The following VGLL1 variants were observed in gnomAD, a reference collection of about 807,000 sequenced individuals.
VGLL1 encodes the protein transcription cofactor vestigial-like protein 1.
VGLL1 carries 4 observed loss-of-function variants against 12.0 expected under a neutral mutation model. That is an observed-to-expected ratio of 0.33 (90% CI 0.16 to 0.76). The LOEUF is 0.76. VGLL1 is among the 30% of genes least tolerant of loss of function. The probability of loss-of-function intolerance (pLI) is 0.60; values close to 1 mark genes in which losing one functional copy is unlikely to be tolerated. For synonymous variants in VGLL1, 87 were observed against 81.2 expected (o/e 1.07, Z -0.39); for missense variants, 204 against 208.7 (o/e 0.98, Z 0.14).
At chrX:136,534,603 G>T (rs1200679958) in intron 1 of VGLL1, among the ~76,000 whole-genome samples, 1 of 112,570 alleles carries the variant, frequency 8.9e-6, no homozygotes, top group East Asian at 2.8e-4. Context: ...GAAGAAAGCT[G>T]CTGTGAACAT....
At chrX:136,535,235 T>G (rs2075836405) in intron 1 of VGLL1, among the ~76,000 whole-genome samples, 2 of 112,190 alleles carry the variant, frequency 1.8e-5, no homozygotes, top group African/African-American at 6.5e-5. Context: ...GCATCTACTC[T>G]ATTCCAGGCA....
intron 2 of VGLL1, among the ~76,000 whole-genome samples, chrX:136,542,604 GT>G (rs1273129667): frequency 8.9e-6 from 1 of 112,347 alleles, no homozygotes; most frequent in Non-Finnish European, 1.9e-5. Context: ...CCATTTGTGC[GT>G]TTTTCTGCAT....
At chrX:136,548,513 A>T in intron 2 of VGLL1, 76 bp from the exon 3 acceptor site, 1 of 1,001,510 alleles carries the variant, frequency 1.0e-6, no homozygotes, top group Non-Finnish European at 1.4e-6. Context: ...AAAATAGAGT[A>T]TGTATTAAAA....
chrX:136,555,880 G>A (rs1416662191), intron 4 of VGLL1, among the ~76,000 whole-genome samples: 1 of 111,209 alleles, frequency 9.0e-6, no homozygotes, highest in Admixed American at 9.6e-5. Context: ...TTTCAAGTGC[G>A]AACTCTCAGT....
At position 136,532,234 on chromosome X, in the gene VGLL1, A is replaced by C. The variant is rs923771171; in HGVS notation, c.-88A>C. On this transcript the variant is annotated 5_prime_UTR_variant, in exon 1 of 5. Coordinates refer to ENST00000370634, the MANE Select transcript of VGLL1 (RefSeq NM_016267.4). ...GCAAGCACTAACCTGCTCTGAAGTG[A>C]GCCAGGCAGCTCTGGCCATCTTTTC... The C allele has an allele frequency of 3.6e-5, 4 of 111,813 alleles. No individual in the cohort carries two copies. Among genetic ancestry groups the C allele is most frequent in the Non-Finnish European group, 1.9e-5 (1 of 53,167 alleles). 9.2% of individuals were successfully genotyped at this position (111,813 alleles called of 1,213,427 possible). A position where few individuals can be genotyped will look rare whatever the true frequency, so the allele number is the denominator to read the frequency against.
intron 2 of VGLL1, among the ~76,000 whole-genome samples, chrX:136,538,314 A>G (rs1332981849): frequency 8.9e-6 from 1 of 112,467 alleles, no homozygotes; most frequent in Non-Finnish European, 1.9e-5. Context: ...AAAGATGAAT[A>G]TAATCCAAGC....
At chrX:136,538,630 G>A (rs937085077) in intron 2 of VGLL1, among the ~76,000 whole-genome samples, 1 of 112,771 alleles carries the variant, frequency 8.9e-6, no homozygotes, top group African/African-American at 3.2e-5. Context: ...AGGGGCTTTT[G>A]TGTAAAGTGG....
intron 4 of VGLL1, among the ~76,000 whole-genome samples, chrX:136,551,983 T>C (rs1345286606): frequency 9.0e-6 from 1 of 111,259 alleles, no homozygotes; most frequent in Non-Finnish European, 1.9e-5. Context: ...CTCAGGCATT[T>C]GACAGTCTGG....
At chrX:136,535,593 A>G (rs1355225183) in intron 1 of VGLL1, among the ~76,000 whole-genome samples, 1 of 111,324 alleles carries the variant, frequency 9.0e-6, no homozygotes, top group East Asian at 2.8e-4. Context: ...CAAGCTCTCC[A>G]TGGGAGCCCA....
intron 2 of VGLL1, among the ~76,000 whole-genome samples, chrX:136,547,351 C>T (rs780678894): frequency 5.4e-5 from 6 of 112,149 alleles, no homozygotes; most frequent in African/African-American, 1.9e-4. Context: ...TCAGATTCAG[C>T]GGCTATCATA....
chrX:136,556,197 A>G (rs73558574), intron 4 of VGLL1, among the ~76,000 whole-genome samples: 2,118 of 112,132 alleles, frequency 0.019, 46 homozygotes, highest in African/African-American at 0.063. Context: ...GAGAAATCTG[A>G]TAACTTACTC....
At chrX:136,534,183 A>G (rs761431930) in intron 1 of VGLL1, among the ~76,000 whole-genome samples, 33 of 112,694 alleles carry the variant, frequency 2.9e-4, no homozygotes, top group Non-Finnish European at 6.0e-4. Context: ...AGTGAAATGC[A>G]TAGGTCTTAC....
intron 2 of VGLL1, among the ~76,000 whole-genome samples, chrX:136,540,728 G>T (rs753672655): frequency 1.8e-5 from 2 of 111,587 alleles, no homozygotes; most frequent in Non-Finnish European, 3.8e-5. Flanking sequence ...ACACATGGAG[G>T]CACTCAATAC....
intron 4 of VGLL1, among the ~76,000 whole-genome samples, chrX:136,555,054 T>C (rs185228896): frequency 8.1e-5 from 9 of 111,728 alleles, no homozygotes; most frequent in Non-Finnish European, 1.5e-4. Context: ...ATTTAGAGAC[T>C]GGGGACATGA....
chrX:136,546,827 C>T (rs2075870876), intron 2 of VGLL1, among the ~76,000 whole-genome samples: 1 of 112,744 alleles, frequency 8.9e-6, no homozygotes, highest in African/African-American at 3.2e-5. Flanking sequence ...TGAATTGCTT[C>T]TGGCCTGGAG....
chrX:136,532,589 CTTTCTTTCT>C (rs1243827919), intron 1 of VGLL1, among the ~76,000 whole-genome samples: 2 of 39,444 alleles, frequency 5.1e-5, no homozygotes, highest in African/African-American at 1.9e-4. Context: ...TTCTTTCTTT[CTTTCTTTCT>C]TTCTTTCTTT....
Position 136,536,082 on chromosome X carries a change from C to T in VGLL1, c.62C>T (p.Thr21Met), listed in dbSNP as rs778398693. Residue 21 changes from threonine to methionine, a missense_variant, in exon 2 of 5, where the codon ACG (threonine) becomes ATG (methionine). Thr to Met is a moderately conservative substitution (Grantham distance 81, BLOSUM62 -1). Transcript: ENST00000370634. Reference sequence around the variant, plus strand: ...AAAGGCAAACAGAAGCCTATAAAGACGGAATGGAATTCCCGGTGTGTCCTT... The same window carrying T: ...AAAGGCAAACAGAAGCCTATAAAGATGGAATGGAATTCCCGGTGTGTCCTT... ...LPKGKQKPIKTEWNSRCVLFT... is the reference protein window; with the variant it reads ...LPKGKQKPIKMEWNSRCVLFT... 2.0e-5 allele frequency: 24 copies of T among 1,211,650 alleles called. No individual in the cohort carries two copies. The highest frequency in any genetic ancestry group is 7.0e-5 in the South Asian group (4 of 56,965).
Position 136,548,959 on chromosome X carries a change from A to G in VGLL1, c.585A>G (p.Ile195Met). 1 of 1,212,057 alleles carries G rather than the reference A, an allele frequency of 8.3e-7. No individual in the cohort carries two copies. The highest frequency in any genetic ancestry group is 1.8e-5 in the South Asian group (1 of 57,005). Residue 195 changes from isoleucine to methionine, a missense_variant, in exon 3 of 5, where the codon ATA (isoleucine) becomes ATG (methionine). Coordinates refer to ENST00000370634, the MANE Select transcript of VGLL1 (RefSeq NM_016267.4). ...AARENGNPGQ[I>M]AGSTGLLFNL... ...GGGAGAATGGCAACCCTGGCCAGAT[A>G]GCTGGAAGCACAGGGTTGCTCTTCA...
At chrX:136,554,200 A>G (rs763516763) in intron 4 of VGLL1, among the ~76,000 whole-genome samples, 47 of 111,469 alleles carry the variant, frequency 4.2e-4, no homozygotes, top group African/African-American at 1.5e-3. Flanking sequence ...GTGTTGAAAT[A>G]GGGAAAAATG....
Sources: allele counts gnomAD v4.1 joint callset (sites outside exome capture counted in the v4.1 genomes callset), GRCh38; gene constraint gnomAD v4.1.1; transcripts MANE v1.5; gene names NCBI Gene and HGNC (gene_info 2026-07-23, HGNC 2026-07-21).